The following RGL3 variants were observed in gnomAD, a reference collection of about 807,000 sequenced individuals.
RGL3 encodes the protein ral guanine nucleotide dissociation stimulator like 3.
In RGL3, 85 loss-of-function variants were observed where a neutral mutation model predicts 90.6. The ratio of observed to expected loss-of-function variants is 0.94; its 90% CI spans 0.79 to 1.12. The LOEUF (loss-of-function observed/expected upper bound fraction) is 1.12, where lower values mean the gene tolerates loss of function less well. Among genes scored for constraint, RGL3 ranks in the 50% most tolerant of loss-of-function variants. RGL3 has a pLI of 0.00. For missense variants in RGL3, 1,034 were observed against 939.2 expected, an observed-to-expected ratio of 1.10 and a Z score of -1.32; for synonymous variants, 408 against 385.5, an observed-to-expected ratio of 1.06 and a Z score of -0.68.
chr19:11,402,245 C>T lies in RGL3; in HGVS notation c.1332G>A (p.Gly444=), dbSNP rs748193007. Reference sequence around the variant, plus strand: ...TCCTCTTCTCAAAGTTAATGAGATCCCCCTGGGGGCAAAGTGTGTCTGAAT... The same window carrying T: ...TCCTCTTCTCAAAGTTAATGAGATCTCCCTGGGGGCAAAGTGTGTCTGAAT... ...LDTALPDMLE[G]DLINFEKRRK... The change falls in exon 12 of 19, where the codon GGG becomes GGA. Residue 444 remains glycine, a splice_region_variant and synonymous_variant. Transcript: ENST00000380456. 1 of 1,613,458 alleles carries T rather than the reference C, an allele frequency of 6.2e-7. No individual in the cohort carries two copies. The highest frequency in any genetic ancestry group is 1.7e-5 in the Admixed American group (1 of 59,972).
At chr19:11,414,180 C>CA (rs1968926892) in intron 5 of RGL3, among the ~76,000 whole-genome samples, 1 of 48,786 alleles carries the variant, frequency 2.0e-5, no homozygotes, top group Non-Finnish European at 3.9e-5. Context: ...TATATATACA[C>CA]CTATATATAT....
In RGL3 at chr19:11,405,706, T is replaced by TATA. The variant is rs1425237958; in HGVS notation, c.997-281_997-280insTAT. Among the ~76,000 whole-genome samples, 3 of 148,714 alleles carry TATA rather than the reference T, an allele frequency of 2.0e-5. No individual in the cohort carries two copies. The East Asian group carries it at 5.9e-4, about 29-fold the overall frequency. On this transcript the variant is annotated intron_variant, in intron 7 of 18. Coordinates refer to ENST00000380456, the MANE Select transcript of RGL3 (RefSeq NM_001035223.4). ...CATGGCTTATTATTATTATTATTATTAATTATTTGGACAGAGTCTCGCTTT... is the reference window on the plus strand; with the variant it reads ...CATGGCTTATTATTATTATTATTATTATAAATTATTTGGACAGAGTCTCGCTTT...
chr19:11,413,401 G>A (rs1968905126), intron 5 of RGL3, among the ~76,000 whole-genome samples: 1 of 151,682 alleles, frequency 6.6e-6, no homozygotes, highest in South Asian at 2.1e-4. Context: ...TGGGTGTGGT[G>A]GCAGGTGCCT....
chr19:11,416,120 G>A lies in RGL3; in HGVS notation c.454C>T (p.Leu152=). The stretch of plus-strand genomic sequence containing the variant: ...CGGAAATCCTGAGGGTGGTCCTGCA[G>A]CCAGGAGCCCAGCACTGACACCACA... ...RAVVSVLGSW[L]QDHPQDFRDH... Residue 152 remains leucine (L), a synonymous_variant, in exon 5 of 19, where the codon CTG becomes TTG. Transcript: ENST00000380456. 1 of 1,591,904 alleles carries A rather than the reference G, an allele frequency of 6.3e-7. No individual in the cohort carries two copies. Among genetic ancestry groups the A allele is most frequent in the Non-Finnish European group, 8.5e-7 (1 of 1,170,028 alleles).
Position 11,402,638 on chromosome 19 carries a change from GTA to G in RGL3, c.1242+10_1242+11del, listed in dbSNP as rs756883222. 38 of 1,613,858 alleles carry G rather than the reference GTA, an allele frequency of 2.4e-5. No homozygotes were observed. In the East Asian group the frequency reaches 6.9e-4, roughly 29 times the overall value. On this transcript the variant is annotated intron_variant, in intron 10 of 18. Transcript: ENST00000380456. Reference sequence around the variant, plus strand: ...GTCCCACTTGTCCCCATCCCAAACTGTAATCACTCACTGAGGGCAGGCTGCCT... The same window carrying G: ...GTCCCACTTGTCCCCATCCCAAACTGATCACTCACTGAGGGCAGGCTGCCT...
intron 7 of RGL3, among the ~76,000 whole-genome samples, chr19:11,405,894 A>T (rs1599435680): frequency 7.2e-6 from 1 of 139,140 alleles, no homozygotes. Flanking sequence ...TAATTTTTTT[A>T]ATTTTTTTTT....
chr19:11,400,697 C>CA (rs1044302917), intron 13 of RGL3, among the ~76,000 whole-genome samples: 3 of 150,826 alleles, frequency 2.0e-5, no homozygotes, highest in African/African-American at 7.3e-5. Context: ...ACTAAAAATA[C>CA]AAAAAAAATT....
At position 11,406,849 on chromosome 19, in the gene RGL3, G is replaced by A. The variant is rs373067301; in HGVS notation, c.653C>T (p.Ala218Val). The part of the protein sequence containing the change: ...PQVWTGPPRV[A>V]QTSDPDSSEA... ...TGAAGAGTCTGGGTCAGAAGTTTGG[G>A]CAACTCTGGGAGGTCCTGATCATTA... Residue 218 changes from alanine (A) to valine (V), a missense_variant, in exon 6 of 19, where the codon GCC becomes GTC. Transcript: ENST00000380456. 23 of 1,613,368 alleles carry A rather than the reference G, an allele frequency of 1.4e-5. No individual in the cohort carries two copies. In the African/African-American group the frequency reaches 2.0e-4, roughly 14 times the overall value.
At chr19:11,396,882 G>A (rs1968582524) in intron 18 of RGL3, among the ~76,000 whole-genome samples, 1 of 151,326 alleles carries the variant, frequency 6.6e-6, no homozygotes, top group Admixed American at 6.6e-5. Flanking sequence ...TGGTCAGCCT[G>A]GTCTCAAACT....
intron 2 of RGL3, among the ~76,000 whole-genome samples, chr19:11,418,099 T>C (rs1002393289): frequency 6.6e-6 from 1 of 151,966 alleles, no homozygotes; most frequent in Admixed American, 6.6e-5. Flanking sequence ...ATTATAGGTG[T>C]GTGCCCCACT....
intron 5 of RGL3, among the ~76,000 whole-genome samples, chr19:11,414,521 ATATATATACCTT>A (rs1333087515): frequency 1.8e-5 from 2 of 109,218 alleles, no homozygotes; most frequent in African/African-American, 3.4e-5. Context: ...ATATATATAT[ATATATATACCTT>A]TATATATATA....
chr19:11,409,944 ATT>A lies in RGL3; in HGVS notation c.638-3082_638-3081del, dbSNP rs1311487958. 2.3e-3 allele frequency among the ~76,000 whole-genome samples: 354 copies of A among 151,238 alleles called. 2 individuals carry two copies. Among genetic ancestry groups the A allele is most frequent in the Non-Finnish European group, 4.0e-3 (270 of 67,788 alleles). On this transcript the variant is annotated intron_variant, in intron 5 of 18. Coordinates refer to ENST00000380456, the MANE Select transcript of RGL3 (RefSeq NM_001035223.4). ...TGGCATCATACTATTATTTTATTTT[ATT>A]TTTTTATTTTGTGATGGAGTCTTGC...
In RGL3 at chr19:11,416,759, A is replaced by C. The variant is rs756140421; in HGVS notation, c.371+77T>G. 5.0e-6 allele frequency: 8 copies of C among 1,595,020 alleles called. No homozygotes were observed. The African/African-American group carries it at 6.7e-5, about 13-fold the overall frequency. On this transcript the variant is annotated intron_variant, in intron 3 of 18. Coordinates refer to ENST00000380456, the MANE Select transcript of RGL3 (RefSeq NM_001035223.4). The stretch of plus-strand genomic sequence containing the variant: ...GGTCTGGGAGGTGTTTCCAGGTTCC[A>C]CACCTGAGGAGGTGGAGGGGGGTGC...
chr19:11,395,539 T>A (rs1968549653), intron 18 of RGL3, among the ~76,000 whole-genome samples: 1 of 152,164 alleles, frequency 6.6e-6, no homozygotes, highest in Non-Finnish European at 1.5e-5. Context: ...TCCCATCCCA[T>A]CAGGTTGAGC....
chr19:11,414,979 A>T (rs535525593), intron 5 of RGL3, among the ~76,000 whole-genome samples: 23 of 151,958 alleles, frequency 1.5e-4, no homozygotes, highest in African/African-American at 5.5e-4. Context: ...TTTACAAAAA[A>T]ATTAGCCGGG....
chr19:11,397,178 G>A, intron 18 of RGL3, 66 bp downstream of exon 18: 1 of 1,363,350 alleles, frequency 7.3e-7, no homozygotes, highest in Non-Finnish European at 1.0e-6. Context: ...CTCCATCCTT[G>A]GGCGTGGTCA....
intron 18 of RGL3, among the ~76,000 whole-genome samples, chr19:11,396,294 A>C (rs1968571829): frequency 7.0e-6 from 1 of 143,324 alleles, no homozygotes; most frequent in South Asian, 2.3e-4. Flanking sequence ...CAGCCTCCCG[A>C]GTAGCTGAGA....
intron 9 of RGL3, among the ~76,000 whole-genome samples, chr19:11,403,640 C>CAAA (rs889376839): frequency 0.019 from 931 of 47,972 alleles, 19 homozygotes; most frequent in African/African-American, 0.057. Context: ...AACTCCATCT[C>CAAA]AAAAAAAAAA....
At chr19:11,398,001 T>A (rs1041783949) in intron 16 of RGL3, among the ~76,000 whole-genome samples, 1 of 151,204 alleles carries the variant, frequency 6.6e-6, no homozygotes. Context: ...AGAGCAAGAC[T>A]CCATCTCAAA....
Sources: allele counts gnomAD v4.1 joint callset (sites outside exome capture counted in the v4.1 genomes callset), GRCh38; gene constraint gnomAD v4.1.1; transcripts MANE v1.5; gene names NCBI Gene and HGNC (gene_info 2026-07-23, HGNC 2026-07-21).